Variants in ADAMTS20 observed in about 807,000 individuals in gnomAD.
ADAMTS20 encodes the protein ADAM metallopeptidase with thrombospondin type 1 motif 20.
Under a neutral mutation model 260.1 loss-of-function variants are expected in ADAMTS20, and 225 were observed. The ratio of observed to expected loss-of-function variants is 0.87; its 90% CI spans 0.78 to 0.97. The LOEUF (loss-of-function observed/expected upper bound fraction) is 0.97. ADAMTS20 is among the 50% of genes least tolerant of loss of function. The probability of loss-of-function intolerance (pLI) is 0.00; values close to 1 mark genes in which losing one functional copy is unlikely to be tolerated. For synonymous variants in ADAMTS20, 802 were observed against 769.5 expected (o/e 1.04, Z -0.70); for missense variants, 2,400 against 2,337.7 (o/e 1.03, Z -0.55).
intron 11 of ADAMTS20, among the ~76,000 whole-genome samples, chr12:43,457,593 T>C (rs1181836343): frequency 6.6e-6 from 1 of 152,242 alleles, no homozygotes; most frequent in Non-Finnish European, 1.5e-5. Context: ...TTTTACCAAG[T>C]TGATCTAAGT....
At chr12:43,500,508 C>T (rs1407251623) in intron 4 of ADAMTS20, among the ~76,000 whole-genome samples, 5 of 151,990 alleles carry the variant, frequency 3.3e-5, no homozygotes, top group Admixed American at 3.3e-4. Flanking sequence ...AATTATTCAT[C>T]TAGGTAATAT....
rs1312817717 is a variant in ADAMTS20 at position 43,401,086 on chromosome 12, C to T, written c.4285-1853G>A. Among the ~76,000 whole-genome samples the T allele has an allele frequency of 2.0e-5, 3 of 151,744 alleles. No individual in the cohort carries two copies. The East Asian group carries it at 5.8e-4, about 29-fold the overall frequency. On this transcript the variant is annotated intron_variant, in intron 28 of 38. Coordinates refer to ENST00000389420, the MANE Select transcript of ADAMTS20 (RefSeq NM_025003.5). ...AAAAACACTACACGATACCAAATAC[C>T]ATTAAAAGGATACAATAAAAAGTAT...
chr12:43,411,317 AC>A (rs1205455477), intron 28 of ADAMTS20, among the ~76,000 whole-genome samples: 1 of 152,096 alleles, frequency 6.6e-6, no homozygotes, highest in African/African-American at 2.4e-5. Context: ...TTTAAATTTT[AC>A]CTTTTGATAA....
At chr12:43,548,891 T>G (rs73089812) in intron 2 of ADAMTS20, among the ~76,000 whole-genome samples, 5 of 152,174 alleles carry the variant, frequency 3.3e-5, no homozygotes, top group Non-Finnish European at 5.9e-5. Context: ...TATCAACTAC[T>G]TCTGATAATA....
At position 43,464,723 on chromosome 12, in the gene ADAMTS20, G is replaced by A. The variant is rs745450789; in HGVS notation, c.1377C>T (p.Tyr459=). ...CTGGTTTGTCAAGAAGACATTCCCC[G>A]TAACCAGTACTGTAACAGTGACAGA... ...KYVTEFLDTG[Y]GECLLDKPDE... The change falls in exon 10 of 39, where the codon TAC becomes TAT. Residue 459 remains tyrosine (Y), a synonymous_variant. Coordinates refer to ENST00000389420, the MANE Select transcript of ADAMTS20 (RefSeq NM_025003.5). 6.8e-6 allele frequency: 11 copies of A among 1,612,330 alleles called. No homozygotes were observed. The highest frequency in any genetic ancestry group is 6.6e-5 in the South Asian group (6 of 90,918).
intron 28 of ADAMTS20, among the ~76,000 whole-genome samples, chr12:43,404,178 GACACACACACACACAC>G (rs3031172): frequency 8.9e-5 from 13 of 145,902 alleles, no homozygotes; most frequent in Admixed American, 3.4e-4. Context: ...ATATTGTGGG[GACACACACACACACAC>G]ACACACACAC....
chr12:43,377,464 T>C lies in ADAMTS20; in HGVS notation c.4896A>G (p.Ile1632Met). The C allele has an allele frequency of 1.9e-6, 3 of 1,613,718 alleles. No homozygotes were observed. Among genetic ancestry groups the C allele is most frequent in the Non-Finnish European group, 2.5e-6 (3 of 1,179,744 alleles). The change falls in exon 32 of 39, where the codon ATA (isoleucine) becomes ATG (methionine). Residue 1632 changes from isoleucine (I) to methionine (M), a missense_variant. By Grantham distance (10) the Ile-to-Met change is conservative. Coordinates refer to ENST00000389420, the MANE Select transcript of ADAMTS20 (RefSeq NM_025003.5). ...GCACCACAGGGCATTCTTGATAAAC[T>C]ATAGGCCGAAGTCGATGGAGCTTAT... ...KKHKLHRLRPIVYQECPVVPS... is the reference protein window; with the variant it reads ...KKHKLHRLRPMVYQECPVVPS...
intron 16 of ADAMTS20, among the ~76,000 whole-genome samples, chr12:43,442,237 G>A (rs185304727): frequency 9.3e-5 from 14 of 150,622 alleles, no homozygotes; most frequent in Non-Finnish European, 1.9e-4. Flanking sequence ...AAAGTATATT[G>A]ATACTTTATT....
chr12:43,521,784 T>C (rs1414978414), intron 3 of ADAMTS20, among the ~76,000 whole-genome samples: 1 of 152,092 alleles, frequency 6.6e-6, no homozygotes, highest in African/African-American at 2.4e-5. Flanking sequence ...CTGTGCGCCT[T>C]GCCTGCCTCC....
At chr12:43,377,653 T>C in intron 31 of ADAMTS20, 91 bp from the exon 32 acceptor site, 2 of 993,302 alleles carry the variant, frequency 2.0e-6, no homozygotes, top group Non-Finnish European at 2.8e-6. Flanking sequence ...TTATGCTGTG[T>C]CATTTCCACA....
At chr12:43,461,017 G>C in intron 11 of ADAMTS20, among the ~76,000 whole-genome samples, 2 of 48,592 alleles carry the variant, frequency 4.1e-5, no homozygotes, top group South Asian at 2.4e-3. Context: ...TTTTTGAGAC[G>C]AAGTCTCACT....
chr12:43,539,908 G>T (rs1283272681), intron 2 of ADAMTS20, among the ~76,000 whole-genome samples: 1 of 145,826 alleles, frequency 6.9e-6, no homozygotes, highest in Non-Finnish European at 1.5e-5. Context: ...TTTTGAGACA[G>T]AGTCTCACTC....
In ADAMTS20 at chr12:43,468,579, G is replaced by A. The variant is rs751935630; in HGVS notation, c.1223+21C>T. ...AAAGATAAATAGAATGCACATTAAG[G>A]AGGTGACAGAAGGTACTTACGTGTG... On this transcript the variant is annotated intron_variant, in intron 8 of 38. Transcript: ENST00000389420. 10 of 1,400,512 alleles carry A rather than the reference G, an allele frequency of 7.1e-6. No individual in the cohort carries two copies. In the South Asian group the frequency reaches 9.6e-5, roughly 13 times the overall value. 86.8% of individuals were successfully genotyped at this position (1,400,512 alleles called of 1,614,324 possible). A position where few individuals can be genotyped will look rare whatever the true frequency, so the allele number is the denominator to read the frequency against.
intron 18 of ADAMTS20, among the ~76,000 whole-genome samples, chr12:43,436,009 A>T (rs144200121): frequency 6.6e-6 from 1 of 152,242 alleles, no homozygotes; most frequent in African/African-American, 2.4e-5. Context: ...TATATACGTT[A>T]TCTCTGCTCC....
At chr12:43,353,221 C>T (rs1592019833), downstream of ADAMTS20, among the ~76,000 whole-genome samples, 1 of 151,644 alleles carries the variant, frequency 6.6e-6, no homozygotes, top group Non-Finnish European at 1.5e-5. Flanking sequence ...AATTTTTATA[C>T]TCCCTTATGT....
Position 43,427,469 on chromosome 12 carries a change from A to G in ADAMTS20, c.3946T>C (p.Cys1316Arg), listed in dbSNP as rs1420559259. 1 of 1,606,550 alleles carries G rather than the reference A, an allele frequency of 6.2e-7. No homozygotes were observed. Among genetic ancestry groups the G allele is most frequent in the Non-Finnish European group, 8.5e-7 (1 of 1,177,342 alleles). Residue 1316 changes from cysteine (C) to arginine (R), a missense_variant and splice_region_variant, in exon 27 of 39, where the codon TGC becomes CGC. Cys to Arg is a radical substitution (Grantham distance 180, BLOSUM62 -3). Transcript: ENST00000389420. ...NQWRTGPWGS[C>R]SSSCSGGLQH... ...AGACCTCCAGAACAACTGCTGGAGC[A>G]CTGACAAGAATAAAACACAAAATAT...
At chr12:43,465,394 C>T (rs917866176) in intron 9 of ADAMTS20, among the ~76,000 whole-genome samples, 3 of 151,980 alleles carry the variant, frequency 2.0e-5, no homozygotes, top group Non-Finnish European at 4.4e-5. Context: ...TATCTTTTAA[C>T]ATGCTATCAG....
In ADAMTS20 at chr12:43,526,350, C is replaced by A. The variant is rs929536487; in HGVS notation, c.613+5686G>T. ...GCGGGCACCTGTAATCCCAGCTACT[C>A]GGGAGGCTGAGGCAGGAGAATGGTG... On this transcript the variant is annotated intron_variant, in intron 3 of 38. Coordinates refer to ENST00000389420, the MANE Select transcript of ADAMTS20 (RefSeq NM_025003.5). Among the ~76,000 whole-genome samples, 3 of 152,044 alleles carry A rather than the reference C, an allele frequency of 2.0e-5. No individual in the cohort carries two copies. The East Asian group carries it at 5.8e-4, about 29-fold the overall frequency.
chr12:43,384,510 T>C (rs577455328), intron 29 of ADAMTS20, among the ~76,000 whole-genome samples: 1 of 152,322 alleles, frequency 6.6e-6, no homozygotes, highest in South Asian at 2.1e-4. Flanking sequence ...ACATGCCGCT[T>C]TGTTACGTAG....
Sources: allele counts gnomAD v4.1 joint callset (sites outside exome capture counted in the v4.1 genomes callset), GRCh38; gene constraint gnomAD v4.1.1; transcripts MANE v1.5; gene names NCBI Gene and HGNC (gene_info 2026-07-23, HGNC 2026-07-21).